RHBDF2: variants seen among roughly 807,000 people sequenced by gnomAD.
The protein encoded by RHBDF2 is inactive rhomboid protein 2.
RHBDF2 carries 38 observed loss-of-function variants against 95.2 expected under a neutral mutation model. The observed-to-expected ratio is 0.40, with a 90% CI of 0.31 to 0.52. The LOEUF is 0.52. RHBDF2 is among the 20% of genes least tolerant of loss of function. The probability of loss-of-function intolerance (pLI) is 0.56; values close to 1 mark genes in which losing one functional copy is unlikely to be tolerated. For missense variants in RHBDF2, 863 were observed against 1,137.7 expected (o/e 0.76, Z 3.47); for synonymous variants, 442 against 462.0 (o/e 0.96, Z 0.55).
At chr17:76,501,101 C>T (rs1209656290) in intron 1 of RHBDF2, 2 of 152,268 alleles carry the variant, frequency 1.3e-5, no homozygotes, top group African/African-American at 2.4e-5. Context: ...CCTTAGGCGT[C>T]CTGTCCGAGC....
intron 1 of RHBDF2, among the ~76,000 whole-genome samples, chr17:76,500,599 A>G (rs1200914479): frequency 6.6e-6 from 1 of 152,132 alleles, no homozygotes; most frequent in African/African-American, 2.4e-5. Context: ...CTCCAACCCT[A>G]GAGCCCCCTC....
intron 9 of RHBDF2, chr17:76,476,451 G>A (rs1036089567): frequency 2.5e-5 from 5 of 196,128 alleles, no homozygotes; most frequent in East Asian, 1.4e-4. Context: ...GAGCCACGGC[G>A]CCCAGCCCTG....
intron 1 of RHBDF2, among the ~76,000 whole-genome samples, chr17:76,498,372 G>A (rs922856830): frequency 9.9e-5 from 15 of 152,232 alleles, no homozygotes; most frequent in Admixed American, 7.2e-4. Context: ...ATGGGGCAGC[G>A]CCGAGGCCTG....
chr17:76,492,739 G>A (rs1010666071), intron 1 of RHBDF2, among the ~76,000 whole-genome samples: 5 of 152,218 alleles, frequency 3.3e-5, no homozygotes, highest in African/African-American at 1.2e-4. Flanking sequence ...CAAGCCCTGG[G>A]CTCTATGGGC....
intron 2 of RHBDF2, among the ~76,000 whole-genome samples, chr17:76,483,194 C>T (rs1456568893): frequency 2.6e-5 from 4 of 152,162 alleles, no homozygotes; most frequent in African/African-American, 4.8e-5. Context: ...GGGTTATGGG[C>T]GTGAGCCACC....
intron 1 of RHBDF2, among the ~76,000 whole-genome samples, chr17:76,495,194 CA>C (rs1350289898): frequency 6.6e-6 from 1 of 152,226 alleles, no homozygotes; most frequent in Non-Finnish European, 1.5e-5. Context: ...AGCACAAGCC[CA>C]GCGGTTGGGG....
rs2073970356 is a variant in RHBDF2 at position 76,481,678 on chromosome 17, G to A, written c.-21-133C>T. The A allele has an allele frequency of 3.9e-6, 3 of 773,854 alleles. No homozygotes were observed. The East Asian group carries it at 8.4e-5, about 22-fold the overall frequency. The allele number at this position is 773,854 out of a possible 1,614,324, so 47.9% of individuals were successfully genotyped here. A position where few individuals can be genotyped will look rare whatever the true frequency, so the allele number is the denominator to read the frequency against. On this transcript the variant is annotated intron_variant, in intron 2 of 18. Transcript: ENST00000675367. ...TGGTTCAAACATCTCTGGGCGGCTG[G>A]GCGCGGTGGCTCACGCCTGTAATCC...
chr17:76,488,531 A>C (rs4789303), intron 1 of RHBDF2, among the ~76,000 whole-genome samples: 146,326 of 151,870 alleles, frequency 0.96, 70,755 homozygotes, highest in East Asian at 1. Flanking sequence ...ATTTTTGGGC[A>C]GGGTGCAGGC....
chr17:76,498,838 CTG>C (rs1172844708), intron 1 of RHBDF2, among the ~76,000 whole-genome samples: 2 of 101,038 alleles, frequency 2.0e-5, no homozygotes, highest in African/African-American at 3.5e-5. Context: ...CTGTGTGTGT[CTG>C]TGTGTTTGTG....
chr17:76,495,764 C>T (rs932007844), intron 1 of RHBDF2, among the ~76,000 whole-genome samples: 2 of 152,200 alleles, frequency 1.3e-5, no homozygotes, highest in Non-Finnish European at 2.9e-5. Context: ...CTGCATGGAG[C>T]CCCTCAGCAG....
At chr17:76,494,807 G>A (rs1471792098) in intron 1 of RHBDF2, among the ~76,000 whole-genome samples, 1 of 152,228 alleles carries the variant, frequency 6.6e-6, no homozygotes, top group Non-Finnish European at 1.5e-5. Context: ...GCAAGTGGCA[G>A]CAGCTGGGCG....
chr17:76,477,808 C>A (rs201338949), intron 6 of RHBDF2, 23 bp from the exon 7 acceptor site: 3 of 1,604,346 alleles, frequency 1.9e-6, no homozygotes, highest in African/African-American at 2.7e-5. Context: ...AGAGGCACAG[C>A]CATCAGGACC....
chr17:76,474,598 C>T, intron 11 of RHBDF2, 64 bp from the exon 12 acceptor site: 1 of 1,610,276 alleles, frequency 6.2e-7, no homozygotes, highest in Non-Finnish European at 8.5e-7. Flanking sequence ...GGGTCCATCA[C>T]TCCACCTCTG....
chr17:76,478,721 G>A (rs2073849929), intron 6 of RHBDF2, 85 bp downstream of exon 6: 12 of 1,164,928 alleles, frequency 1.0e-5, no homozygotes, highest in Non-Finnish European at 1.3e-5. Context: ...TGAGCTTTAG[G>A]GGATGCTACT....
Position 76,472,005 on chromosome 17 carries a change from C to T in RHBDF2, c.2112G>A (p.Val704=). 1 of 1,576,386 alleles carries T rather than the reference C, an allele frequency of 6.3e-7. No homozygotes were observed. Among genetic ancestry groups the T allele is most frequent in the Non-Finnish European group, 8.6e-7 (1 of 1,160,822 alleles). ...SQFGLLACLF[V]ELFQSWPLLE... ...GCAGCGGCCAGCTCTGGAAGAGCTC[C>T]ACGAAGAGGCAGGCGAGGAGGCCGA... Residue 704 remains valine, a synonymous_variant, in exon 19 of 19, where the codon GTG becomes GTA. Coordinates refer to ENST00000675367, the MANE Select transcript of RHBDF2 (RefSeq NM_001005498.4).
Position 76,471,630 on chromosome 17 carries a change from CG to C in RHBDF2, c.*2del. ...GCTGAGGGGCAGCCGTGTGGCCCAGCGGTCAGTGCAGCACCTGGTCCAGCTC... is the reference window on the plus strand; with the variant it reads ...GCTGAGGGGCAGCCGTGTGGCCCAGCGTCAGTGCAGCACCTGGTCCAGCTC... On this transcript the variant is annotated 3_prime_UTR_variant, in exon 19 of 19. Coordinates refer to ENST00000675367, the MANE Select transcript of RHBDF2 (RefSeq NM_001005498.4). 6.3e-7 allele frequency: 1 copy of C among 1,580,768 alleles called. No homozygotes were observed. The highest frequency in any genetic ancestry group is 1.3e-5 in the African/African-American group (1 of 74,534).
chr17:76,472,763 G>A lies in RHBDF2; in HGVS notation c.1987C>T (p.Arg663Cys), dbSNP rs762095662. 2.9e-5 allele frequency: 47 copies of A among 1,612,824 alleles called. No individual in the cohort carries two copies. Among genetic ancestry groups the A allele is most frequent in the Non-Finnish European group, 3.7e-5 (44 of 1,179,472 alleles). Residue 663 changes from arginine (R) to cysteine (C), a missense_variant, in exon 18 of 19, where the codon CGT becomes TGT. Transcript: ENST00000675367. ...RDLEKLAGWH[R>C]IAIIFILSGI... ...CTGAGGATGAAGATGATGGCGATAC[G>A]GTGCCAGCCGGCCAGCTTCTCCAGG...
chr17:76,477,215 G>T lies in RHBDF2; in HGVS notation c.885C>A (p.Ala295=), dbSNP rs147134158. 41 of 1,610,442 alleles carry T rather than the reference G, an allele frequency of 2.5e-5. No individual in the cohort carries two copies. Among genetic ancestry groups the T allele is most frequent in the Non-Finnish European group, 3.1e-5 (37 of 1,178,972 alleles). The change falls in exon 8 of 19, where the codon GCC becomes GCA. Residue 295 remains alanine (A), a synonymous_variant. Transcript: ENST00000675367. ...GCACCCCATCGGGGGAGACAGGGGA[G>T]GCTGAGTGTGGGATCCCTCGGAAGT... ...ASYFRGIPHS[A]SPVSPDGVQI...
chr17:76,472,956 G>A, intron 17 of RHBDF2, 49 bp downstream of exon 17: 2 of 1,603,530 alleles, frequency 1.2e-6, no homozygotes, highest in South Asian at 1.1e-5. Flanking sequence ...GGGTCCGGCT[G>A]GGTGGCCATC....
Sources: allele counts gnomAD v4.1 joint callset (sites outside exome capture counted in the v4.1 genomes callset), GRCh38; gene constraint gnomAD v4.1.1; transcripts MANE v1.5; gene names NCBI Gene and HGNC (gene_info 2026-07-23, HGNC 2026-07-21).